CSTA: variants seen among roughly 807,000 people sequenced by gnomAD.
CSTA encodes the protein cystatin-A.
In CSTA, 9 loss-of-function variants were observed where a neutral mutation model predicts 9.2. That is an observed-to-expected ratio of 0.97 (90% CI 0.59 to 1.70). CSTA has a LOEUF of 1.70. Among genes scored for constraint, CSTA ranks in the 40% most tolerant of loss-of-function variants. The pLI is 0.00. For missense variants in CSTA, 118 were observed against 113.1 expected, an observed-to-expected ratio of 1.04 and a Z score of -0.20; for synonymous variants, 36 against 40.6, an observed-to-expected ratio of 0.89 and a Z score of 0.43.
chr3:122,333,726 GAA>G (rs1189283258), intron 1 of CSTA, among the ~76,000 whole-genome samples: 2 of 125,626 alleles, frequency 1.6e-5, no homozygotes, highest in Non-Finnish European at 3.3e-5. Flanking sequence ...GAAAGAGAAA[GAA>G]AGAAAGAGAA....
chr3:122,340,872 G>A (rs979636949), intron 2 of CSTA, among the ~76,000 whole-genome samples: 1 of 151,688 alleles, frequency 6.6e-6, no homozygotes, highest in Admixed American at 6.6e-5. Context: ...TGTCCTTTGT[G>A]CCCAGATTAT....
At chr3:122,327,422 G>A (rs1227221966) in intron 1 of CSTA, among the ~76,000 whole-genome samples, 14 of 151,182 alleles carry the variant, frequency 9.3e-5, no homozygotes, top group African/African-American at 2.9e-4. Flanking sequence ...CCAGCTACTC[G>A]GGAGGCTGAG....
intron 2 of CSTA, among the ~76,000 whole-genome samples, chr3:122,339,002 C>T (rs142162591): frequency 1.4e-3 from 206 of 152,164 alleles, no homozygotes; most frequent in African/African-American, 4.6e-3. Context: ...TCTCAGCCAC[C>T]GATCCCAGTT....
intron 2 of CSTA, 105 bp downstream of exon 2, chr3:122,337,753 AAATTAAGATGCCC>A (rs1464633682): frequency 1.2e-6 from 1 of 859,492 alleles, no homozygotes; most frequent in Non-Finnish European, 2.0e-6. Context: ...CGGTTGTCCT[AAATTAAGATGCCC>A]AGCATGATTC....
chr3:122,333,479 C>T (rs1359404231), intron 1 of CSTA, among the ~76,000 whole-genome samples: 1 of 149,056 alleles, frequency 6.7e-6, no homozygotes, highest in African/African-American at 2.5e-5. Context: ...CCACTACACT[C>T]CAGCCTAGGT....
At chr3:122,326,277 C>A (rs2075170320) in intron 1 of CSTA, among the ~76,000 whole-genome samples, 1 of 152,224 alleles carries the variant, frequency 6.6e-6, no homozygotes. Context: ...GCCATCCACT[C>A]ACCTAGGCTT....
At chr3:122,326,086 ACG>A (rs1471484164) in intron 1 of CSTA, among the ~76,000 whole-genome samples, 1 of 152,190 alleles carries the variant, frequency 6.6e-6, no homozygotes, top group East Asian at 1.9e-4. Flanking sequence ...TGGTCTGATC[ACG>A]GCTCACTGTA....
At chr3:122,340,327 C>T (rs1415643149) in intron 2 of CSTA, among the ~76,000 whole-genome samples, 5 of 151,480 alleles carry the variant, frequency 3.3e-5, no homozygotes, top group Admixed American at 6.6e-5. Context: ...TTTTTTGAGA[C>T]GGAGTTTCAC....
At chr3:122,340,823 C>G (rs1337060395) in intron 2 of CSTA, among the ~76,000 whole-genome samples, 1 of 152,174 alleles carries the variant, frequency 6.6e-6, no homozygotes, top group Non-Finnish European at 1.5e-5. Context: ...TAGGCTATCA[C>G]TTGTTTTCTT....
chr3:122,333,052 G>C (rs1256127433), intron 1 of CSTA, among the ~76,000 whole-genome samples: 1 of 152,176 alleles, frequency 6.6e-6, no homozygotes, highest in East Asian at 1.9e-4. Flanking sequence ...GTTACAAGTA[G>C]AGTGAACCAG....
At position 122,337,638 on chromosome 3, in the gene CSTA, A is replaced by G; in HGVS notation, c.158A>G (p.Tyr53Cys). Residue 53 changes from tyrosine (Y) to cysteine (C), a missense_variant, in exon 2 of 3, where the codon TAC (tyrosine) becomes TGC (cysteine). Tyr to Cys is a radical substitution (Grantham distance 194). Coordinates refer to ENST00000264474, the MANE Select transcript of CSTA (RefSeq NM_005213.4). ...ACTCAAGTTGTTGCTGGAACAAATT[A>G]CTACATTAAGGTTAGAGTTCAGCAC... ...YKTQVVAGTN[Y>C]YIKVRAGDNK... 6.2e-7 allele frequency: 1 copy of G among 1,603,806 alleles called. No individual in the cohort carries two copies. The highest frequency in any genetic ancestry group is 8.5e-7 in the Non-Finnish European group (1 of 1,170,612).
At chr3:122,340,586 G>C (rs1347502172) in intron 2 of CSTA, among the ~76,000 whole-genome samples, 2 of 152,230 alleles carry the variant, frequency 1.3e-5, no homozygotes, top group Non-Finnish European at 2.9e-5. Context: ...TTATAGGCGT[G>C]AGCCACAGTG....
intron 2 of CSTA, 43 bp from the exon 3 acceptor site, chr3:122,341,396 G>T: frequency 6.2e-7 from 1 of 1,609,942 alleles, no homozygotes; most frequent in African/African-American, 1.3e-5. Context: ...AGACCCATTT[G>T]AATGAATCTC....
chr3:122,341,364 C>T, intron 2 of CSTA, 75 bp from the exon 3 acceptor site: 4 of 1,516,156 alleles, frequency 2.6e-6, no homozygotes, highest in Non-Finnish European at 3.7e-6. Context: ...CTTTGTAGAC[C>T]TGTGGCTCTC....
intron 1 of CSTA, among the ~76,000 whole-genome samples, chr3:122,329,052 G>A (rs113057153): frequency 0.018 from 2,667 of 150,638 alleles, 75 homozygotes; most frequent in African/African-American, 0.062. Flanking sequence ...TGCAAGCTCC[G>A]CCTCCCGGGT....
chr3:122,329,110 C>G (rs1364425932), intron 1 of CSTA, among the ~76,000 whole-genome samples: 1 of 151,216 alleles, frequency 6.6e-6, no homozygotes, highest in African/African-American at 2.4e-5. Flanking sequence ...GGACTACAGG[C>G]GCCCGCCACC....
At chr3:122,331,479 G>A (rs1169896560) in intron 1 of CSTA, among the ~76,000 whole-genome samples, 2 of 152,074 alleles carry the variant, frequency 1.3e-5, no homozygotes, top group Non-Finnish European at 2.9e-5. Context: ...ATGACAGGAG[G>A]GTAGCTTCAA....
Position 122,341,610 on chromosome 3 carries a change from G to A in CSTA, c.*43G>A, listed in dbSNP as rs114476290. ...GTTCTGATTCCTTCAACTGGCTACT[G>A]AGTCATGATCCTTGCTGATAAATAT... On this transcript the variant is annotated 3_prime_UTR_variant, in exon 3 of 3. Coordinates refer to ENST00000264474, the MANE Select transcript of CSTA (RefSeq NM_005213.4). 2.1e-3 allele frequency: 3,348 copies of A among 1,612,020 alleles called. 34 individuals carry two copies. The African/African-American group carries it at 0.026, about 12-fold the overall frequency.
intron 1 of CSTA, 111 bp downstream of exon 1, chr3:122,325,469 GC>G (rs1435184620): frequency 9.5e-7 from 1 of 1,050,406 alleles, no homozygotes; most frequent in Admixed American, 1.9e-5. Context: ...GATGTTTGTG[GC>G]TTTGTTCAGG....
Sources: gnomAD v4.1 joint callset for allele counts (sites outside exome capture counted in the v4.1 genomes callset) on GRCh38, gnomAD v4.1.1 for gene constraint, MANE v1.5 for transcripts, NCBI Gene and HGNC (gene_info 2026-07-23, HGNC 2026-07-21) for gene names.